The following HDAC8 variants were observed in gnomAD, a reference collection of about 807,000 sequenced individuals.
HDAC8 encodes the protein histone deacetylase-like 1.
A neutral mutation model predicts 32.2 loss-of-function variants in HDAC8; 1 was observed. The observed-to-expected ratio is 0.03, with a 90% CI of 0.01 to 0.15. The LOEUF (loss-of-function observed/expected upper bound fraction) is 0.15, where lower values mean the gene tolerates loss of function less well. Ranked by LOEUF, HDAC8 falls within the 10% of genes least tolerant of loss-of-function variation. The probability of loss-of-function intolerance (pLI) is 1.00; values close to 1 mark genes in which losing one functional copy is unlikely to be tolerated. For synonymous variants in HDAC8, 108 were observed against 113.9 expected, an observed-to-expected ratio of 0.95 and a Z score of 0.33; for missense variants, 117 against 300.0, an observed-to-expected ratio of 0.39 and a Z score of 4.51.
chrX:72,504,186 C>G (rs1280829107), intron 4 of HDAC8, among the ~76,000 whole-genome samples: 1 of 111,878 alleles, frequency 8.9e-6, no homozygotes, highest in African/African-American at 3.2e-5. Context: ...ACTTACATAA[C>G]ATAAAATTAA....
intron 9 of HDAC8, among the ~76,000 whole-genome samples, chrX:72,359,266 TG>T (rs1226900648): frequency 9.1e-6 from 1 of 109,605 alleles, no homozygotes; most frequent in African/African-American, 3.3e-5. Flanking sequence ...GGAAGAATAC[TG>T]TTTTTTTTTT....
At chrX:72,558,537 G>A (rs782815552) in intron 4 of HDAC8, among the ~76,000 whole-genome samples, 1 of 111,646 alleles carries the variant, frequency 9.0e-6, no homozygotes, top group Admixed American at 9.5e-5. Context: ...ATTCAGCATC[G>A]CTTTATGATT....
chrX:72,571,962 T>C, intron 2 of HDAC8, 95 bp downstream of exon 2: 1 of 716,086 alleles, frequency 1.4e-6, no homozygotes, highest in Non-Finnish European at 2.0e-6. Context: ...AATAATTTTT[T>C]CAAAAGACCA....
chrX:72,420,627 C>T (rs3012657), intron 9 of HDAC8, among the ~76,000 whole-genome samples: 10,198 of 111,084 alleles, frequency 0.092, 1,119 homozygotes, highest in African/African-American at 0.32. Context: ...ATTTTTTCAG[C>T]GTTTGCTTCA....
intron 9 of HDAC8, among the ~76,000 whole-genome samples, chrX:72,409,556 TG>T (rs1555969636): frequency 8.9e-6 from 1 of 112,578 alleles, no homozygotes; most frequent in Non-Finnish European, 1.9e-5. Flanking sequence ...CCCTATCACA[TG>T]TACTTGAAAA....
intron 7 of HDAC8, among the ~76,000 whole-genome samples, chrX:72,471,811 C>A (rs1555997749): frequency 9.0e-6 from 1 of 111,658 alleles, no homozygotes; most frequent in Admixed American, 9.4e-5. Context: ...TTTGCACTCT[C>A]TTGATAGTGT....
At position 72,428,959 on chromosome X, in the gene HDAC8, C is replaced by T. The variant is rs139091858; in HGVS notation, c.1005+33045G>A. Among the ~76,000 whole-genome samples the T allele has an allele frequency of 6.2e-3, 678 of 109,922 alleles. 6 individuals carry two copies. The highest frequency in any genetic ancestry group is 0.021 in the African/African-American group (648 of 30,186). On this transcript the variant is annotated intron_variant, in intron 9 of 10. Coordinates refer to ENST00000373573, the MANE Select transcript of HDAC8 (RefSeq NM_018486.3). ...AATGAAATAAGTCCTGTGAAAGCAA[C>T]TAGTAAAGTACCTGGTAAATAGTAG...
At chrX:72,405,627 T>C (rs2046017240) in intron 9 of HDAC8, among the ~76,000 whole-genome samples, 1 of 112,418 alleles carries the variant, frequency 8.9e-6, no homozygotes, top group African/African-American at 3.2e-5. Flanking sequence ...CCACCATCTG[T>C]TAATTTTTGG....
intron 9 of HDAC8, among the ~76,000 whole-genome samples, chrX:72,368,513 C>T (rs2044770678): frequency 9.0e-6 from 1 of 111,186 alleles, no homozygotes; most frequent in African/African-American, 3.3e-5. Context: ...CGCACCACCA[C>T]ATGCAGCTAA....
At chrX:72,454,363 C>T (rs1555988933) in intron 9 of HDAC8, among the ~76,000 whole-genome samples, 1 of 111,214 alleles carries the variant, frequency 9.0e-6, no homozygotes, top group Admixed American at 9.6e-5. Context: ...AAAAGACTTG[C>T]TTTCTCAAAC....
At chrX:72,563,978 G>A (rs1358048724) in intron 4 of HDAC8, among the ~76,000 whole-genome samples, 2 of 111,164 alleles carry the variant, frequency 1.8e-5, no homozygotes, top group Non-Finnish European at 3.8e-5. Context: ...TGACCAACAC[G>A]GTGAAACCCC....
Position 72,330,090 on chromosome X carries a change from AG to A in HDAC8, c.1112-15del. ...GCTTCAGATTCCCTGCAAACAGGGG[AG>A]AAAACAAAATTCAAAGTCAGGTAAT... On this transcript the variant is annotated splice_polypyrimidine_tract_variant and intron_variant, in intron 10 of 10. Coordinates refer to ENST00000373573, the MANE Select transcript of HDAC8 (RefSeq NM_018486.3). 1 of 1,195,910 alleles carries A rather than the reference AG, an allele frequency of 8.4e-7. No homozygotes were observed.
rs1602987895 is a variant in HDAC8, at chrX:72,467,836, A to C, written c.738-3105T>G. ...ATTTGGGAGAAATTTATATGGTAGA[A>C]TTGATCGGGTAATACAGAGTGACAC... On this transcript the variant is annotated intron_variant, in intron 7 of 10. Coordinates refer to ENST00000373573, the MANE Select transcript of HDAC8 (RefSeq NM_018486.3). 7.4e-6 allele frequency: 5 copies of C among 675,987 alleles called. No homozygotes were observed. In the East Asian group the frequency reaches 2.0e-4, roughly 27 times the overall value. The allele number at this position is 675,987 out of a possible 1,213,427, so 55.7% of individuals were successfully genotyped here.
intron 9 of HDAC8, among the ~76,000 whole-genome samples, chrX:72,373,476 G>A (rs1227803114): frequency 1.8e-4 from 20 of 112,202 alleles, no homozygotes; most frequent in African/African-American, 3.9e-4. Context: ...AGAATATGTG[G>A]CCTTTTGTGT....
chrX:72,442,909 T>G (rs1470319637), intron 9 of HDAC8, among the ~76,000 whole-genome samples: 3 of 109,050 alleles, frequency 2.8e-5, no homozygotes, highest in Non-Finnish European at 3.8e-5. Context: ...AAACAGACTT[T>G]AAACCAACAA....
intron 9 of HDAC8, among the ~76,000 whole-genome samples, chrX:72,390,475 C>A (rs1018701425): frequency 2.7e-5 from 3 of 112,075 alleles, no homozygotes; most frequent in East Asian, 5.6e-4. Flanking sequence ...TATAGTCACC[C>A]TATAGTGTAT....
chrX:72,526,205 T>G (rs1316984732), intron 4 of HDAC8, among the ~76,000 whole-genome samples: 4 of 111,465 alleles, frequency 3.6e-5, no homozygotes, highest in African/African-American at 1.3e-4. Flanking sequence ...CTGAAATGCC[T>G]ACACTGTTTT....
chrX:72,388,232 A>T (rs945766678), intron 9 of HDAC8, among the ~76,000 whole-genome samples: 2 of 110,163 alleles, frequency 1.8e-5, no homozygotes, highest in Admixed American at 1.9e-4. Flanking sequence ...GTGTATTTGA[A>T]GCAGGTAGAT....
At chrX:72,360,362 AAAG>A (rs1486140045) in intron 9 of HDAC8, among the ~76,000 whole-genome samples, 15 of 111,353 alleles carry the variant, frequency 1.3e-4, no homozygotes, top group Middle Eastern at 4.6e-3. Flanking sequence ...CAAAAAAAAA[AAAG>A]AAGAAGAAAG....
Sources: gnomAD v4.1 joint callset for allele counts (sites outside exome capture counted in the v4.1 genomes callset) on GRCh38, gnomAD v4.1.1 for gene constraint, MANE v1.5 for transcripts, NCBI Gene and HGNC (gene_info 2026-07-23, HGNC 2026-07-21) for gene names.